FRMPD4: variants seen among roughly 807,000 people sequenced by gnomAD.
FRMPD4 encodes FERM and PDZ domain-containing protein 4.
FRMPD4 carries 22 observed loss-of-function variants against 94.1 expected under a neutral mutation model. That is an observed-to-expected ratio of 0.23 (90% CI 0.17 to 0.33). The LOEUF (loss-of-function observed/expected upper bound fraction) is 0.33, where lower values mean the gene tolerates loss of function less well. Among genes scored for constraint, FRMPD4 ranks in the 10% least tolerant of loss-of-function variants. The pLI is 1.00. For synonymous variants in FRMPD4, 631 were observed against 548.6 expected, an observed-to-expected ratio of 1.15 and a Z score of -2.10; for missense variants, 1,111 against 1,339.9, an observed-to-expected ratio of 0.83 and a Z score of 2.67.
At chrX:12,240,616 T>G (rs1269771912) in intron 1 of FRMPD4, among the ~76,000 whole-genome samples, 1 of 112,546 alleles carries the variant, frequency 8.9e-6, no homozygotes, top group African/African-American at 3.2e-5. Flanking sequence ...ATTTCCTTAA[T>G]GTGCATAGTC....
chrX:12,168,367 GAAA>G (rs36104662), intron 1 of FRMPD4, among the ~76,000 whole-genome samples: 1 of 86,430 alleles, frequency 1.2e-5, no homozygotes, highest in Non-Finnish European at 2.3e-5. Context: ...GCCAGATTGG[GAAA>G]AAAAAAAAAA....
intron 4 of FRMPD4, among the ~76,000 whole-genome samples, chrX:12,650,072 A>G (rs1288964355): frequency 8.9e-6 from 1 of 112,922 alleles, no homozygotes; most frequent in Non-Finnish European, 1.9e-5. Flanking sequence ...ATCTCTGGAC[A>G]GTGTTCTGAG....
intron 1 of FRMPD4, among the ~76,000 whole-genome samples, chrX:12,177,947 C>T (rs771727765): frequency 8.9e-6 from 1 of 111,765 alleles, no homozygotes; most frequent in East Asian, 2.8e-4. Context: ...TCTGCACTGT[C>T]ACTTTTGTTA....
chrX:12,285,227 G>C (rs2054583701), intron 1 of FRMPD4, among the ~76,000 whole-genome samples: 1 of 111,633 alleles, frequency 9.0e-6, no homozygotes, highest in African/African-American at 3.3e-5. Flanking sequence ...TTTTGTGCAA[G>C]GCCATTCATG....
chrX:11,980,385 A>G (rs191998660), intron 3 of FRMPD4, among the ~76,000 whole-genome samples: 39 of 110,538 alleles, frequency 3.5e-4, no homozygotes, highest in Admixed American at 3.4e-3. Context: ...CTATTTTATA[A>G]TCTCTCCAAA....
chrX:12,010,095 G>A (rs192269691), intron 3 of FRMPD4, among the ~76,000 whole-genome samples: 1 of 111,339 alleles, frequency 9.0e-6, no homozygotes, highest in Non-Finnish European at 1.9e-5. Flanking sequence ...GACCGAATGA[G>A]GTATACTGAG....
chrX:11,963,281 G>A (rs1020310221), intron 3 of FRMPD4, among the ~76,000 whole-genome samples: 1 of 112,284 alleles, frequency 8.9e-6, no homozygotes, highest in Admixed American at 9.4e-5. Context: ...TTTAACATAT[G>A]AGGCTCCAAC....
At chrX:12,522,051 TA>T (rs2058167611) in intron 2 of FRMPD4, among the ~76,000 whole-genome samples, 1 of 110,489 alleles carries the variant, frequency 9.1e-6, no homozygotes, top group South Asian at 3.8e-4. Context: ...CTTTGGATTT[TA>T]GTTCAAATAC....
intron 2 of FRMPD4, among the ~76,000 whole-genome samples, chrX:12,534,061 G>A (rs1293958996): frequency 8.9e-6 from 1 of 112,726 alleles, no homozygotes; most frequent in East Asian, 2.8e-4. Context: ...CAGGCCCAGG[G>A]TTCCCGTGCT....
In FRMPD4 at chrX:12,012,719, G is replaced by T. The variant is rs1783056317; in HGVS notation, c.95+134701G>T. 3.6e-5 allele frequency among the ~76,000 whole-genome samples: 4 copies of T among 112,471 alleles called. No individual in the cohort carries two copies. In the Admixed American group the frequency reaches 3.8e-4, roughly 11 times the overall value. On this transcript the variant is annotated intron_variant, in intron 3 of 18. Coordinates refer to the FRMPD4 transcript ENST00000640291. ...GTCTTACTGTAGTAGGAAACATGCTGTCTCTTGGGAGAAGAACTATATAAC... is the reference window on the plus strand; with the variant it reads ...GTCTTACTGTAGTAGGAAACATGCTTTCTCTTGGGAGAAGAACTATATAAC...
chrX:11,958,657 T>C lies in FRMPD4; in HGVS notation c.95+80639T>C, dbSNP rs1277084380. Among the ~76,000 whole-genome samples, 3 of 111,998 alleles carry C rather than the reference T, an allele frequency of 2.7e-5. No homozygotes were observed. The Admixed American group carries it at 2.8e-4, about 11-fold the overall frequency. On this transcript the variant is annotated intron_variant, in intron 3 of 18. Coordinates refer to the FRMPD4 transcript ENST00000640291. ...ATAACTCCATTTTGATTTGGTCTGT[T>C]GAGCCAATTACAGAAGCTCAGTCCA...
intron 2 of FRMPD4, among the ~76,000 whole-genome samples, chrX:12,586,774 TCTC>T (rs1284235775): frequency 9.0e-6 from 1 of 111,678 alleles, no homozygotes; most frequent in Non-Finnish European, 1.9e-5. Flanking sequence ...CACTCTTCCT[TCTC>T]CTTCCTTTTC....
chrX:12,222,749 TGTA>T (rs1349182958), intron 1 of FRMPD4, among the ~76,000 whole-genome samples: 1 of 112,398 alleles, frequency 8.9e-6, no homozygotes, highest in Non-Finnish European at 1.9e-5. Context: ...ATAAGATAAA[TGTA>T]GTCCTTTCTG....
chrX:11,926,087 C>A (rs755415060), intron 3 of FRMPD4, among the ~76,000 whole-genome samples: 1 of 110,053 alleles, frequency 9.1e-6, no homozygotes, highest in South Asian at 3.9e-4. Flanking sequence ...ATACAAACAA[C>A]CATCAGAGAA....
intron 1 of FRMPD4, among the ~76,000 whole-genome samples, chrX:12,401,585 T>C (rs772415832): frequency 1.7e-4 from 19 of 112,192 alleles, no homozygotes; most frequent in African/African-American, 6.1e-4. Context: ...GAGATAAATG[T>C]GGAAATAAGA....
chrX:12,622,006 GAAAGAAAGA>G lies in FRMPD4; in HGVS notation c.422+7128_422+7136del, dbSNP rs1569370059. 1.8e-3 allele frequency among the ~76,000 whole-genome samples: 89 copies of G among 48,985 alleles called. 1 individual carries two copies. Among genetic ancestry groups the G allele is most frequent in the Admixed American group, 0.012 (50 of 4,285 alleles). 42.5% of individuals were successfully genotyped at this position (48,985 alleles called of 115,157 possible). A position where few individuals can be genotyped will look rare whatever the true frequency, so the allele number is the denominator to read the frequency against. ...AGAAAGAAAGAAAGAAAGAAAGAAA[GAAAGAAAGA>G]AAGGAAGGAAGGAAGGAAGGAAGGA... On this transcript the variant is annotated intron_variant, in intron 4 of 16. Coordinates refer to ENST00000675598, the MANE Select transcript of FRMPD4 (RefSeq NM_001368397.1).
chrX:11,920,399 A>G (rs1006931370), intron 3 of FRMPD4, among the ~76,000 whole-genome samples: 2 of 111,339 alleles, frequency 1.8e-5, no homozygotes, highest in African/African-American at 6.5e-5. Context: ...TTCCTTTCCC[A>G]TCTCTACTTT....
chrX:12,049,674 A>C (rs2054806116), intron 3 of FRMPD4, among the ~76,000 whole-genome samples: 1 of 111,413 alleles, frequency 9.0e-6, no homozygotes, highest in South Asian at 3.7e-4. Flanking sequence ...TAATGGTAAA[A>C]AGAGCCTTAG....
chrX:12,637,205 G>A lies in FRMPD4; in HGVS notation c.422+22324G>A, dbSNP rs774008296. Among the ~76,000 whole-genome samples the A allele has an allele frequency of 7.6e-4, 85 of 112,177 alleles. 1 individual carries two copies. The highest frequency in any genetic ancestry group is 2.4e-3 in the African/African-American group (73 of 30,906). ...ATCTTTATCTCTTCTTTCTCAAGTC[G>A]TAAATCCCAATGCTCAGTGACATCA... On this transcript the variant is annotated intron_variant, in intron 4 of 16. Transcript: ENST00000675598.
Sources: allele counts gnomAD v4.1 joint callset (sites outside exome capture counted in the v4.1 genomes callset), GRCh38; gene constraint gnomAD v4.1.1; transcripts MANE v1.5; gene names NCBI Gene and HGNC (gene_info 2026-07-23, HGNC 2026-07-21).